The following CHADL variants were observed in gnomAD, a reference collection of about 807,000 sequenced individuals.
The protein encoded by CHADL is chondroadherin-like protein.
CHADL carries 48 observed loss-of-function variants against 52.1 expected under a neutral mutation model. That is an observed-to-expected ratio of 0.92 (90% CI 0.73 to 1.17). The LOEUF (loss-of-function observed/expected upper bound fraction) is 1.17, where lower values mean the gene tolerates loss of function less well. Ranked by LOEUF, CHADL falls within the 50% of genes most tolerant of loss-of-function variation. The pLI, the probability that CHADL is intolerant of heterozygous loss-of-function variation, is 0.00. For missense variants in CHADL, 977 were observed against 1,035.1 expected (o/e 0.94, Z 0.77); for synonymous variants, 498 against 511.2 (o/e 0.97, Z 0.35).
chr22:41,238,567 C>A lies in CHADL; in HGVS notation c.505G>T (p.Ala169Ser), dbSNP rs1256523101. The part of the protein sequence containing the change: ...ALATLNLAHN[A>S]LVYLPAMAFQ... The stretch of plus-strand genomic sequence containing the variant: ...GCCATGGCGGGCAGGTAAACCAGGG[C>A]GTTGTGGGCCAGGTTTAGCGTGGCC... The change falls in exon 3 of 6, where the codon GCC becomes TCC. Residue 169 changes from alanine (A) to serine (S), a missense_variant. Physicochemically the swap from Ala to Ser is moderately conservative, Grantham distance 99. Transcript: ENST00000216241. The surrounding 1 kb of genome is among the most constrained non-coding windows in gnomAD (Gnocchi z 4.9). 4 of 1,546,370 alleles carry A rather than the reference C, an allele frequency of 2.6e-6. No homozygotes were observed. The East Asian group carries it at 9.8e-5, about 38-fold the overall frequency.
At chr22:41,237,149 C>A in intron 3 of CHADL, 27 bp downstream of exon 3, 1 of 1,515,864 alleles carries the variant, frequency 6.6e-7, no homozygotes, top group South Asian at 1.3e-5. Flanking sequence ...CCTCCTGCAC[C>A]AACCCCGCCA....
At position 41,237,998 on chromosome 22, in the gene CHADL, AG is replaced by A; in HGVS notation, c.1073del (p.Pro358LeufsTer75). The A allele has an allele frequency of 7.9e-7, 1 of 1,272,396 alleles. No individual in the cohort carries two copies. The highest frequency in any genetic ancestry group is 2.8e-5 in the South Asian group (1 of 35,316). The allele number at this position is 1,272,396 out of a possible 1,614,324, so 78.8% of individuals were successfully genotyped here. On this transcript the variant is annotated frameshift_variant, in exon 3 of 6. Coordinates refer to ENST00000216241, the MANE Select transcript of CHADL (RefSeq NM_138481.2). LOFTEE classifies it high-confidence loss of function. ...CTTCCTCTTCCTGCGCCGCGTCCCCAGGGCAGCGCAGGTCCCAGGGCCGCAG... is the reference window on the plus strand; with the variant it reads ...CTTCCTCTTCCTGCGCCGCGTCCCCAGGCAGCGCAGGTCCCAGGGCCGCAG... ...DALRPWDLRC[P>X]GDAAQEEEEL... is the part of the protein sequence containing the mutation.
In CHADL at chr22:41,238,815, G is replaced by T; in HGVS notation, c.257C>A (p.Pro86His). Residue 86 changes from proline (P) to histidine (H), a missense_variant, in exon 3 of 6, where the codon CCT (proline) becomes CAT (histidine). Pro to His is a moderately conservative substitution (Grantham distance 77). Coordinates refer to ENST00000216241, the MANE Select transcript of CHADL (RefSeq NM_138481.2). The surrounding 1 kb of genome is among the most constrained non-coding windows in gnomAD (Gnocchi z 4.9). ...GCGCAGGTCCAGGTGTGTGAGGTGA[G>T]GCACGCCCTGGAAGGCGGCTGCGGG... ...VIPAAAFQGV[P>H]HLTHLDLRHC... 2 of 1,549,108 alleles carry T rather than the reference G, an allele frequency of 1.3e-6. No homozygotes were observed. Among genetic ancestry groups the T allele is most frequent in the Non-Finnish European group, 1.7e-6 (2 of 1,146,238 alleles).
Position 41,237,896 on chromosome 22 carries a change from T to G in CHADL, c.1176A>C (p.Ala392=), listed in dbSNP as rs1032951636. 405 of 1,351,558 alleles carry G rather than the reference T, an allele frequency of 3.0e-4. No homozygotes were observed. Among genetic ancestry groups the G allele is most frequent in the Non-Finnish European group, 3.7e-4 (387 of 1,057,810 alleles). The allele number at this position is 1,351,558 out of a possible 1,614,324, so 83.7% of individuals were successfully genotyped here. ...CGCAGGCGCGAGGGCAAGGCGCGAC[T>G]GCCCGCTCCTCCCCGGGGCCGCGCG... is the stretch of plus-strand genomic sequence containing the variant. ...GPPRGPGEER[A]VAPCPRACVC... Residue 392 remains alanine (A), a synonymous_variant, in exon 3 of 6, where the codon GCA becomes GCC. Transcript: ENST00000216241.
chr22:41,239,530 G>C lies in CHADL; in HGVS notation c.99C>G (p.Cys33Trp). The change falls in exon 2 of 6, where the codon TGC becomes TGG. Residue 33 changes from cysteine to tryptophan, a missense_variant. Cys to Trp is a radical substitution (Grantham distance 215). Transcript: ENST00000216241. ...AGTTGTCACAGATGCAGGCCTGTGG[G>C]CAGCGCTGGGCGGCGGCCTGCCTAG... Reference protein sequence around the residue: ...APARQAAAQRCPQACICDNSR... With the variant: ...APARQAAAQRWPQACICDNSR... The C allele has an allele frequency of 6.5e-7, 1 of 1,549,140 alleles. No homozygotes were observed. The highest frequency in any genetic ancestry group is 8.7e-7 in the Non-Finnish European group (1 of 1,146,410).
intron 5 of CHADL, among the ~76,000 whole-genome samples, chr22:41,232,188 C>T (rs557245077): frequency 2.0e-5 from 3 of 151,882 alleles, no homozygotes; most frequent in Non-Finnish European, 2.9e-5. Flanking sequence ...AAAAATTAGC[C>T]GGGCGTGGTG....
In CHADL at chr22:41,238,239, G is replaced by A. The variant is rs1451650781; in HGVS notation, c.833C>T (p.Pro278Leu). Residue 278 changes from proline (P) to leucine (L), a missense_variant, in exon 3 of 6, where the codon CCG becomes CTG. Pro to Leu is a moderately conservative substitution (Grantham distance 98). Transcript: ENST00000216241. This position sits in a 1 kb window ranked among gnomAD's most constrained non-coding sequence, Gnocchi z 4.9. ...GCGGAGGTCGAGGGTGTGCAGGCGC[G>A]GACAGTGTGCGAAGGCCCTGGGACC... is the stretch of plus-strand genomic sequence containing the variant. ...ALGPRAFAHC[P>L]RLHTLDLRGN... is the part of the protein sequence containing the mutation. 2.6e-6 allele frequency: 4 copies of A among 1,530,246 alleles called. No homozygotes were observed. In the South Asian group the frequency reaches 4.8e-5, roughly 18 times the overall value. 94.8% of individuals were successfully genotyped at this position (1,530,246 alleles called of 1,614,324 possible).
At position 41,238,097 on chromosome 22, in the gene CHADL, C is replaced by T. The variant is rs2032782441; in HGVS notation, c.975G>A (p.Leu325=). 7.8e-7 allele frequency: 1 copy of T among 1,276,430 alleles called. No individual in the cohort carries two copies. Among genetic ancestry groups the T allele is most frequent in the Middle Eastern group, 2.9e-4 (1 of 3,412 alleles). 79.1% of individuals were successfully genotyped at this position (1,276,430 alleles called of 1,614,324 possible). ...GCQARPLLEW[L]ARARVRSDGA... is the part of the protein sequence containing the mutation. ...CGTCCGAGCGCACGCGCGCCCGCGC[C>T]AGCCACTCGAGTAGGGGCCGCGCCT... Residue 325 remains leucine, a synonymous_variant, in exon 3 of 6, where the codon CTG becomes CTA. Transcript: ENST00000216241. The surrounding 1 kb of genome is among the most constrained non-coding windows in gnomAD (Gnocchi z 4.9).
intron 5 of CHADL, among the ~76,000 whole-genome samples, chr22:41,234,485 G>A (rs1381589129): frequency 6.6e-6 from 1 of 151,342 alleles, no homozygotes; most frequent in Non-Finnish European, 1.5e-5. Context: ...GGGTTCAAGC[G>A]ATTCTCCCAC....
At chr22:41,237,051 AGG>A (rs1258483449) in intron 3 of CHADL, 123 bp downstream of exon 3, 1 of 1,023,184 alleles carries the variant, frequency 9.8e-7, no homozygotes, top group Non-Finnish European at 1.4e-6. Flanking sequence ...GGTTTATCTC[AGG>A]GTCCCCGTGC....
Position 41,238,927 on chromosome 22 carries a change from A to G in CHADL, c.187-42T>C. 1 of 1,486,562 alleles carries G rather than the reference A, an allele frequency of 6.7e-7. No individual in the cohort carries two copies. The highest frequency in any genetic ancestry group is 9.0e-7 in the Non-Finnish European group (1 of 1,113,004). 92.1% of individuals were successfully genotyped at this position (1,486,562 alleles called of 1,614,324 possible). ...GAAAGTGGGGCTGAGCCAGGCAGGGACCCCGCCTTTGCAAGTGCTGCTTCT... is the reference window on the plus strand; with the variant it reads ...GAAAGTGGGGCTGAGCCAGGCAGGGGCCCCGCCTTTGCAAGTGCTGCTTCT... On this transcript the variant is annotated intron_variant, in intron 2 of 5. Coordinates refer to ENST00000216241, the MANE Select transcript of CHADL (RefSeq NM_138481.2). This position sits in a 1 kb window ranked among gnomAD's most constrained non-coding sequence, Gnocchi z 4.9.
chr22:41,235,047 G>C, intron 5 of CHADL, 98 bp downstream of exon 5: 1 of 1,257,928 alleles, frequency 7.9e-7, no homozygotes, highest in East Asian at 2.5e-5. Flanking sequence ...GGAACCACAT[G>C]AATCAGGACC....
rs764919877 is a variant in CHADL at position 41,229,653 on chromosome 22, G to A, written c.*51C>T. On this transcript the variant is annotated 3_prime_UTR_variant, in exon 6 of 6. Transcript: ENST00000216241. ...GATCTCGTCGGAGCCTGTTCCTGGC[G>A]AGAGTAAGAGCCACCGGGCTGGGTC... The A allele has an allele frequency of 3.1e-6, 5 of 1,613,432 alleles. No individual in the cohort carries two copies. The highest frequency in any genetic ancestry group is 3.4e-6 in the Non-Finnish European group (4 of 1,180,026).
chr22:41,238,927 AC>A lies in CHADL; in HGVS notation c.187-43del. On this transcript the variant is annotated intron_variant, in intron 2 of 5. Coordinates refer to ENST00000216241, the MANE Select transcript of CHADL (RefSeq NM_138481.2). The surrounding 1 kb of genome is among the most constrained non-coding windows in gnomAD (Gnocchi z 4.9). ...GAAAGTGGGGCTGAGCCAGGCAGGG[AC>A]CCCGCCTTTGCAAGTGCTGCTTCTT... is the stretch of plus-strand genomic sequence containing the variant. 6.7e-7 allele frequency: 1 copy of A among 1,486,558 alleles called. No homozygotes were observed. The highest frequency in any genetic ancestry group is 9.0e-7 in the Non-Finnish European group (1 of 1,113,004). 92.1% of individuals were successfully genotyped at this position (1,486,558 alleles called of 1,614,324 possible). A position where few individuals can be genotyped will look rare whatever the true frequency, so the allele number is the denominator to read the frequency against.
intron 5 of CHADL, chr22:41,231,190 G>A (rs879323183): frequency 6.6e-6 from 1 of 152,180 alleles, no homozygotes; most frequent in Non-Finnish European, 1.5e-5. Context: ...GACAGAGCTG[G>A]AGGACACATC....
chr22:41,239,382 T>TTGGGA (rs2032820507), intron 2 of CHADL, 61 bp downstream of exon 2: 1 of 1,476,028 alleles, frequency 6.8e-7, no homozygotes, highest in East Asian at 2.5e-5. Flanking sequence ...CCCAGGCTCC[T>TTGGGA]CCCTCTGGGT....
At chr22:41,240,829 A>AGC (rs759555955) in intron 1 of CHADL, 45 bp downstream of exon 1, 1 of 1,549,952 alleles carries the variant, frequency 6.5e-7, no homozygotes, top group Non-Finnish European at 8.7e-7. Context: ...GAGGCCACTG[A>AGC]GCTGCTCTGA....
In CHADL at chr22:41,237,700, G is replaced by C; in HGVS notation, c.1372C>G (p.His458Asp). 1 of 1,542,122 alleles carries C rather than the reference G, an allele frequency of 6.5e-7. No individual in the cohort carries two copies. The highest frequency in any genetic ancestry group is 8.8e-7 in the Non-Finnish European group (1 of 1,142,688). ...LGHLVSLHLQ[H>D]CGIAELEAGA... ...GCTTCCAGCTCCGCGATGCCGCAGTGCTGCAGGTGCAGCGACACCAGGTGG... is the reference window on the plus strand; with the variant it reads ...GCTTCCAGCTCCGCGATGCCGCAGTCCTGCAGGTGCAGCGACACCAGGTGG... The change falls in exon 3 of 6, where the codon CAC (histidine) becomes GAC (aspartate). Residue 458 changes from histidine (H) to aspartate (D), a missense_variant. Physicochemically the swap from His to Asp is moderately conservative, Grantham distance 81 (BLOSUM62 -1). Transcript: ENST00000216241.
rs1292221705 is a variant in CHADL at position 41,237,950 on chromosome 22, G to C, written c.1122C>G (p.Ala374=). 1.6e-6 allele frequency: 2 copies of C among 1,263,966 alleles called. No homozygotes were observed. Among genetic ancestry groups the C allele is most frequent in the East Asian group, 3.3e-5 (1 of 30,618 alleles). 78.3% of individuals were successfully genotyped at this position (1,263,966 alleles called of 1,614,324 possible). The change falls in exon 3 of 6, where the codon GCC becomes GCG. Residue 374 remains alanine, a synonymous_variant. Coordinates refer to ENST00000216241, the MANE Select transcript of CHADL (RefSeq NM_138481.2). ...GGCCGCGCGGAGGGGCGCGGGGCCC[G>C]GCCACAGCCCGCTCTTCCAGCTCTT... ...EEEELEERAV[A]GPRAPPRGPP...
Sources: allele counts gnomAD v4.1 joint callset (sites outside exome capture counted in the v4.1 genomes callset), GRCh38; gene constraint gnomAD v4.1.1; non-coding constraint Gnocchi (gnomAD v3.1); transcripts MANE v1.5; gene names NCBI Gene and HGNC (gene_info 2026-07-23, HGNC 2026-07-21).